Variants in SCN2A observed in about 807,000 individuals in gnomAD.
SCN2A encodes the protein sodium channel protein type 2 subunit alpha.
In SCN2A, 20 loss-of-function variants were observed where a neutral mutation model predicts 188.7. The observed-to-expected ratio is 0.11, with a 90% CI of 0.07 to 0.15. SCN2A has a LOEUF of 0.15. Among genes scored for constraint, SCN2A ranks in the 10% least tolerant of loss-of-function variants. The pLI is 1.00. For synonymous variants in SCN2A, 804 were observed against 833.1 expected (o/e 0.97, Z 0.60); for missense variants, 1,278 against 2,445.0 (o/e 0.52, Z 10.07).
At chr2:165,379,460 C>T (rs1701486442) in intron 23 of SCN2A, among the ~76,000 whole-genome samples, 1 of 151,656 alleles carries the variant, frequency 6.6e-6, no homozygotes, top group Admixed American at 6.6e-5. Flanking sequence ...ATGATTACCT[C>T]CAGCAGGGAT....
rs144237650 is a variant in SCN2A, at chr2:165,285,979, C to G, written c.-51-9794C>G. On this transcript the variant is annotated intron_variant, in intron 1 of 26. Transcript: ENST00000375437. ...TATTGCAGAGGACTGTAGACATGCT[C>G]TGTGCCACAGATGAAGACTTCGTGA... 3.8e-4 allele frequency: 81 copies of G among 211,552 alleles called. 1 individual carries two copies. The highest frequency in any genetic ancestry group is 7.5e-4 in the Non-Finnish European group (74 of 98,486). The allele number at this position is 211,552 out of a possible 1,614,324, so 13.1% of individuals were successfully genotyped here. A position where few individuals can be genotyped will look rare whatever the true frequency, so the allele number is the denominator to read the frequency against.
chr2:165,326,378 T>C (rs924807196), intron 12 of SCN2A, among the ~76,000 whole-genome samples: 2 of 152,228 alleles, frequency 1.3e-5, no homozygotes, highest in Non-Finnish European at 2.9e-5. Context: ...AATGAAGGCA[T>C]TTTGCAACTG....
At chr2:165,274,141 T>C (rs1695224285) in intron 1 of SCN2A, 1 of 152,104 alleles carries the variant, frequency 6.6e-6, no homozygotes, top group Non-Finnish European at 1.5e-5. Flanking sequence ...AAATAAAATT[T>C]CTTTTTGTAT....
chr2:165,365,670 T>G (rs1700690085), intron 18 of SCN2A, among the ~76,000 whole-genome samples: 1 of 152,174 alleles, frequency 6.6e-6, no homozygotes, highest in Non-Finnish European at 1.5e-5. Context: ...TAATTTATTA[T>G]GTACTATTTT....
chr2:165,362,240 A>G (rs1261418957), intron 17 of SCN2A, among the ~76,000 whole-genome samples: 1 of 152,018 alleles, frequency 6.6e-6, no homozygotes, highest in East Asian at 1.9e-4. Flanking sequence ...TCAATAGATA[A>G]ATATTTGGCT....
intron 14 of SCN2A, among the ~76,000 whole-genome samples, chr2:165,337,333 G>A (rs1406297925): frequency 6.6e-6 from 1 of 151,988 alleles, no homozygotes; most frequent in East Asian, 1.9e-4. Context: ...ATAATATCAA[G>A]TAGTCTAAAT....
chr2:165,239,562 T>G lies in SCN2A; in HGVS notation c.-130T>G. 1.1e-6 allele frequency: 1 copy of G among 918,560 alleles called. No homozygotes were observed. The highest frequency in any genetic ancestry group is 1.2e-4 in the East Asian group (1 of 8,478). 56.9% of individuals were successfully genotyped at this position (918,560 alleles called of 1,614,324 possible). A position where few individuals can be genotyped will look rare whatever the true frequency, so the allele number is the denominator to read the frequency against. ...TTACTTTCTACTCCAGTAAAAATTC[T>G]GAAGAATTGCATTGGAGACTGTTAT... On this transcript the variant is annotated 5_prime_UTR_variant, in exon 1 of 27. Coordinates refer to ENST00000375437, the MANE Select transcript of SCN2A (RefSeq NM_001040142.2).
chr2:165,336,943 GAAATGTGACTCATAGTT>G (rs1433512719), intron 14 of SCN2A, among the ~76,000 whole-genome samples: 2 of 151,908 alleles, frequency 1.3e-5, no homozygotes, highest in Non-Finnish European at 2.9e-5. Context: ...ACGAAATAGG[GAAATGTGACTCATAGTT>G]AATAGATTAA....
intron 23 of SCN2A, among the ~76,000 whole-genome samples, chr2:165,379,595 T>C (rs142839346): frequency 0.017 from 2,653 of 151,878 alleles, 34 homozygotes; most frequent in Middle Eastern, 0.037. Flanking sequence ...CTTTCCTGTA[T>C]GTATATTGTC....
intron 16 of SCN2A, among the ~76,000 whole-genome samples, chr2:165,345,787 C>T (rs558622970): frequency 6.6e-6 from 1 of 152,192 alleles, no homozygotes; most frequent in African/African-American, 2.4e-5. Context: ...TTAGCTGCTG[C>T]GGTTTTTTCA....
rs1220470911 is a variant in SCN2A, at chr2:165,291,436, C to CTCTTTCTTTCTTTCTT, written c.-51-4295_-51-4280dup. On this transcript the variant is annotated intron_variant, in intron 1 of 26. Transcript: ENST00000375437. Reference sequence around the variant, plus strand: ...CCTTCCTCCCTGTCTGTCTTTCTTTCTCTTTCTTTCTTTCTTTCTTTCTTT... The same window carrying CTCTTTCTTTCTTTCTT: ...CCTTCCTCCCTGTCTGTCTTTCTTTCTCTTTCTTTCTTTCTTTCTTTCTTTCTTTCTTTCTTTCTTT... Among the ~76,000 whole-genome samples the CTCTTTCTTTCTTTCTT allele has an allele frequency of 7.6e-4, 50 of 65,416 alleles. 4 individuals are homozygous for CTCTTTCTTTCTTTCTT. The highest frequency in any genetic ancestry group is 2.7e-3 in the East Asian group (5 of 1,828). 42.9% of individuals were successfully genotyped at this position (65,416 alleles called of 152,430 possible).
chr2:165,328,387 C>T (rs1698479768), intron 13 of SCN2A: 1 of 676,538 alleles, frequency 1.5e-6, no homozygotes, highest in Non-Finnish European at 1.8e-6. Context: ...GTAGCTTGCT[C>T]CTCCCTGTCC....
At chr2:165,285,943 A>C (rs353135) in intron 1 of SCN2A, 219,662 of 225,930 alleles carry the variant, frequency 0.97, 107,081 homozygotes, top group East Asian at 1. Flanking sequence ...ACGAGGGGCA[A>C]AATGACCCTG....
intron 15 of SCN2A, among the ~76,000 whole-genome samples, chr2:165,342,714 A>G (rs1240942428): frequency 6.6e-6 from 1 of 152,228 alleles, no homozygotes; most frequent in African/African-American, 2.4e-5. Context: ...GAGAGGAGGA[A>G]ACAGGGAGTC....
rs551941775 is a variant in SCN2A at position 165,303,532 on chromosome 2, C to T, written c.387-4316C>T. Among the ~76,000 whole-genome samples the T allele has an allele frequency of 2.6e-5, 4 of 152,164 alleles. No individual in the cohort carries two copies. In the South Asian group the frequency reaches 8.3e-4, roughly 32 times the overall value. ...CCTCGTGATCCGCCCGCCTCGGCCT[C>T]CCAAAGTGCTGGGATTACAGGCGTG... On this transcript the variant is annotated intron_variant, in intron 3 of 26. Transcript: ENST00000375437.
At chr2:165,301,848 C>G (rs1471389070) in intron 3 of SCN2A, among the ~76,000 whole-genome samples, 2 of 152,230 alleles carry the variant, frequency 1.3e-5, no homozygotes, top group Non-Finnish European at 2.9e-5. Flanking sequence ...GTGGTCAGTT[C>G]TGTCTCATTT....
At chr2:165,352,552 C>T (rs1699979070) in intron 16 of SCN2A, among the ~76,000 whole-genome samples, 2 of 151,968 alleles carry the variant, frequency 1.3e-5, no homozygotes, top group Non-Finnish European at 2.9e-5. Context: ...TTTGAGCATC[C>T]CTAATCTGAA....
rs115519024 is a variant in SCN2A, at chr2:165,341,417, G to C, written c.2389-879G>C. Among the ~76,000 whole-genome samples the C allele has an allele frequency of 5.1e-3, 774 of 152,288 alleles. 6 individuals are homozygous for C. The highest frequency in any genetic ancestry group is 0.018 in the African/African-American group (741 of 41,562). On this transcript the variant is annotated intron_variant, in intron 14 of 26. Transcript: ENST00000375437. ...CCACAGTGGTGATATTTTTAAGGGA[G>C]AGAAGGACTCGGTAACTGTTACTTT...
At chr2:165,250,861 C>A (rs1694059460) in intron 1 of SCN2A, among the ~76,000 whole-genome samples, 1 of 152,044 alleles carries the variant, frequency 6.6e-6, no homozygotes, top group Non-Finnish European at 1.5e-5. Context: ...TAACTACCAA[C>A]AAATTTGATC....
Sources: gnomAD v4.1 joint callset for allele counts (sites outside exome capture counted in the v4.1 genomes callset) on GRCh38, gnomAD v4.1.1 for gene constraint, MANE v1.5 for transcripts, NCBI Gene and HGNC (gene_info 2026-07-23, HGNC 2026-07-21) for gene names.